The following VAX2 variants were observed in gnomAD, a reference collection of about 807,000 sequenced individuals.
VAX2 encodes the protein ventral anterior homeobox 2.
VAX2 carries 8 observed loss-of-function variants against 12.5 expected under a neutral mutation model. The ratio of observed to expected loss-of-function variants is 0.64; its 90% CI spans 0.37 to 1.15. The LOEUF (loss-of-function observed/expected upper bound fraction) is 1.15, where lower values mean the gene tolerates loss of function less well. Among genes scored for constraint, VAX2 ranks in the 50% most tolerant of loss-of-function variants. VAX2 has a pLI of 0.01. For synonymous variants in VAX2, 183 were observed against 187.6 expected (o/e 0.98, Z 0.20); for missense variants, 476 against 412.9 (o/e 1.15, Z -1.32).
intron 2 of VAX2, among the ~76,000 whole-genome samples, chr2:70,927,916 C>T (rs1297233944): frequency 6.6e-6 from 1 of 152,104 alleles, no homozygotes; most frequent in Non-Finnish European, 1.5e-5. Context: ...GGGAGACAGC[C>T]CAGAAGGTGC....
chr2:70,924,831 C>G (rs541908348), intron 2 of VAX2, among the ~76,000 whole-genome samples: 1 of 152,122 alleles, frequency 6.6e-6, no homozygotes, highest in Non-Finnish European at 1.5e-5. Flanking sequence ...CAGCTAAGAT[C>G]CACAGAGACA....
chr2:70,932,641 C>CCCCCCCCA, intron 2 of VAX2, 126 bp from the exon 3 acceptor site: 1 of 160,464 alleles, frequency 6.2e-6, no homozygotes, highest in South Asian at 1.5e-4. Context: ...CCTCACACCC[C>CCCCCCCCA]ACCCCCACCC....
chr2:70,930,883 G>C (rs1260739837), intron 2 of VAX2, among the ~76,000 whole-genome samples: 3 of 152,064 alleles, frequency 2.0e-5, no homozygotes, highest in Non-Finnish European at 4.4e-5. Flanking sequence ...CCTCCCTGCC[G>C]GTACACCTGC....
intron 2 of VAX2, among the ~76,000 whole-genome samples, chr2:70,930,524 G>A (rs201242436): frequency 1.3e-5 from 2 of 152,286 alleles, no homozygotes; most frequent in African/African-American, 2.4e-5. Context: ...AGGATCAGAC[G>A]ACAGGGGGTG....
At chr2:70,914,926 G>A (rs781889007) in intron 1 of VAX2, among the ~76,000 whole-genome samples, 66 of 151,520 alleles carry the variant, frequency 4.4e-4, no homozygotes, top group Non-Finnish European at 8.8e-4. Flanking sequence ...CTCGGCCCCT[G>A]AGTAGCTGGG....
At chr2:70,932,451 G>A (rs956033253) in intron 2 of VAX2, among the ~76,000 whole-genome samples, 5 of 152,008 alleles carry the variant, frequency 3.3e-5, no homozygotes, top group East Asian at 1.9e-4. Context: ...AACATCAGTT[G>A]TACTCCCAAA....
intron 2 of VAX2, among the ~76,000 whole-genome samples, chr2:70,923,914 C>T (rs1679514477): frequency 6.6e-6 from 1 of 152,296 alleles, no homozygotes; most frequent in South Asian, 2.1e-4. Context: ...GGGAGGATTG[C>T]TCAGGAGTCC....
At chr2:70,921,069 T>C (rs782729304) in intron 1 of VAX2, 29 bp from the exon 2 acceptor site, 1 of 1,531,248 alleles carries the variant, frequency 6.5e-7, no homozygotes, top group Admixed American at 2.1e-5. Context: ...GCTAATGAAC[T>C]AAGCTGGCTC....
chr2:70,900,946 G>C lies in VAX2; in HGVS notation c.247+78G>C, dbSNP rs573702574. 15 of 1,223,778 alleles carry C rather than the reference G, an allele frequency of 1.2e-5. No individual in the cohort carries two copies. In the Admixed American group the frequency reaches 5.8e-4, roughly 47 times the overall value. The allele number at this position is 1,223,778 out of a possible 1,614,324, so 75.8% of individuals were successfully genotyped here. A position where few individuals can be genotyped will look rare whatever the true frequency, so the allele number is the denominator to read the frequency against. On this transcript the variant is annotated intron_variant, in intron 1 of 2. Coordinates refer to ENST00000234392, the MANE Select transcript of VAX2 (RefSeq NM_012476.3). ...TGGGGCCCCCGACCTAGCTGCAGCT[G>C]ACACCTCTCAATTCATATATTCATT...
chr2:70,930,209 A>G (rs782262463), intron 2 of VAX2, among the ~76,000 whole-genome samples: 1 of 145,942 alleles, frequency 6.9e-6, no homozygotes, highest in African/African-American at 2.6e-5. Flanking sequence ...AAAAACAAAA[A>G]TAAAGAAATA....
At chr2:70,907,516 G>GT (rs1679087488) in intron 1 of VAX2, among the ~76,000 whole-genome samples, 1 of 152,254 alleles carries the variant, frequency 6.6e-6, no homozygotes, top group Non-Finnish European at 1.5e-5. Context: ...TGACGCCACG[G>GT]TTTCTTTAGC....
intron 2 of VAX2, among the ~76,000 whole-genome samples, chr2:70,922,389 G>A (rs1252703408): frequency 6.6e-6 from 1 of 152,154 alleles, no homozygotes; most frequent in African/African-American, 2.4e-5. Flanking sequence ...CTTCCCGTCT[G>A]TGCTGTGTGG....
chr2:70,918,393 G>C (rs1282252265), intron 1 of VAX2, among the ~76,000 whole-genome samples: 1 of 152,140 alleles, frequency 6.6e-6, no homozygotes, highest in Non-Finnish European at 1.5e-5. Context: ...TTGGAGGGAG[G>C]GGCTCAGGGT....
intron 2 of VAX2, among the ~76,000 whole-genome samples, chr2:70,929,816 C>T (rs1261856316): frequency 4.6e-5 from 7 of 152,110 alleles, no homozygotes; most frequent in Non-Finnish European, 8.8e-5. Flanking sequence ...TTGAGAAACA[C>T]GGCTCAAAGC....
chr2:70,919,183 G>A (rs1487755004), intron 1 of VAX2, among the ~76,000 whole-genome samples: 37 of 144,098 alleles, frequency 2.6e-4, no homozygotes, highest in Admixed American at 1.1e-3. Context: ...GTGGTGAGCC[G>A]AGATGGTGCC....
At chr2:70,910,678 C>T (rs1558655181) in intron 1 of VAX2, among the ~76,000 whole-genome samples, 1 of 151,638 alleles carries the variant, frequency 6.6e-6, no homozygotes, top group African/African-American at 2.4e-5. Context: ...ATTTCTCTAT[C>T]GGATCACTAA....
intron 1 of VAX2, among the ~76,000 whole-genome samples, chr2:70,920,096 TC>T (rs1553412604): frequency 6.6e-6 from 1 of 152,188 alleles, no homozygotes; most frequent in East Asian, 1.9e-4. Flanking sequence ...TTGGTAAGCT[TC>T]CCATTGCCAA....
chr2:70,902,094 G>T (rs538701503), intron 1 of VAX2, among the ~76,000 whole-genome samples: 1 of 152,348 alleles, frequency 6.6e-6, no homozygotes, highest in Admixed American at 6.5e-5. Context: ...GATTATGTTT[G>T]ATCTGAGCTC....
At chr2:70,932,328 TG>T (rs1465177821) in intron 2 of VAX2, among the ~76,000 whole-genome samples, 2 of 152,110 alleles carry the variant, frequency 1.3e-5, no homozygotes, top group African/African-American at 4.8e-5. Context: ...ATACATGGCC[TG>T]GATCTCAGTT....
Sources: allele counts gnomAD v4.1 joint callset (sites outside exome capture counted in the v4.1 genomes callset), GRCh38; gene constraint gnomAD v4.1.1; transcripts MANE v1.5; gene names NCBI Gene and HGNC (gene_info 2026-07-23, HGNC 2026-07-21).